Variants in TRAM1 observed in about 807,000 individuals in gnomAD.
TRAM1 encodes translocating chain-associated membrane protein 1.
A neutral mutation model predicts 48.7 loss-of-function variants in TRAM1; 17 were observed. That is an observed-to-expected ratio of 0.35 (90% confidence interval 0.24 to 0.52). The LOEUF (loss-of-function observed/expected upper bound fraction) is 0.52. TRAM1 is among the 20% of genes least tolerant of loss of function. The probability of loss-of-function intolerance (pLI) is 0.94; values close to 1 mark genes in which losing one functional copy is unlikely to be tolerated. For missense variants in TRAM1, 351 were observed against 441.5 expected (o/e 0.79, Z 1.84); for synonymous variants, 182 against 154.0 (o/e 1.18, Z -1.34).
intron 1 of TRAM1, among the ~76,000 whole-genome samples, chr8:70,601,660 T>A (rs1307438974): frequency 1.3e-5 from 2 of 152,196 alleles, no homozygotes; most frequent in Non-Finnish European, 2.9e-5. Context: ...GGAGTGAGCA[T>A]GCAGCCAAGA....
chr8:70,578,502 A>C (rs937555641), intron 10 of TRAM1, among the ~76,000 whole-genome samples: 5 of 152,152 alleles, frequency 3.3e-5, no homozygotes, highest in African/African-American at 1.2e-4. Flanking sequence ...GCATGGTGAC[A>C]TGTGCTTGTA....
intron 1 of TRAM1, among the ~76,000 whole-genome samples, chr8:70,602,454 G>C (rs1007043460): frequency 4.6e-5 from 7 of 152,240 alleles, no homozygotes; most frequent in African/African-American, 1.4e-4. Context: ...GAACAAAATT[G>C]TAAGGACTGA....
intron 5 of TRAM1, 77 bp downstream of exon 5, chr8:70,596,186 A>G: frequency 4.9e-6 from 6 of 1,223,126 alleles, no homozygotes; most frequent in Non-Finnish European, 6.7e-6. Context: ...CCTAAAGAGA[A>G]TAACAAGAAT....
chr8:70,576,259 A>G (rs1260766510), intron 10 of TRAM1, among the ~76,000 whole-genome samples: 1 of 152,144 alleles, frequency 6.6e-6, no homozygotes, highest in Non-Finnish European at 1.5e-5. Flanking sequence ...ACAAAACCGC[A>G]AATTAAACCC....
intron 2 of TRAM1, among the ~76,000 whole-genome samples, chr8:70,598,682 T>TTAGTTTTGATAC (rs1817541436): frequency 6.6e-6 from 1 of 152,176 alleles, no homozygotes; most frequent in Non-Finnish European, 1.5e-5. Flanking sequence ...AAAAGCTGAT[T>TTAGTTTTGATAC]TGACCTGTAT....
intron 1 of TRAM1, chr8:70,607,499 G>C (rs953129711): frequency 1.0e-6 from 1 of 985,332 alleles, no homozygotes; most frequent in Non-Finnish European, 1.2e-6. Context: ...GTCGAAAGCA[G>C]ATGCCTGACT....
chr8:70,582,741 G>C (rs1309185344), intron 10 of TRAM1, among the ~76,000 whole-genome samples: 1 of 151,968 alleles, frequency 6.6e-6, no homozygotes, highest in Non-Finnish European at 1.5e-5. Flanking sequence ...TAAAGACAAA[G>C]AATCAAGCAA....
chr8:70,599,687 G>C (rs1022368955), intron 2 of TRAM1, among the ~76,000 whole-genome samples: 2 of 152,120 alleles, frequency 1.3e-5, no homozygotes, highest in African/African-American at 4.8e-5. Flanking sequence ...TAGAAGTCTT[G>C]AATGAACAAT....
intron 10 of TRAM1, among the ~76,000 whole-genome samples, chr8:70,576,745 C>T (rs554071132): frequency 6.6e-6 from 1 of 152,274 alleles, no homozygotes; most frequent in African/African-American, 2.4e-5. Flanking sequence ...GGGCTGTGTG[C>T]TCCACATAGC....
chr8:70,603,186 G>A (rs1817639784), intron 1 of TRAM1, among the ~76,000 whole-genome samples: 1 of 151,962 alleles, frequency 6.6e-6, no homozygotes, highest in Non-Finnish European at 1.5e-5. Context: ...ATTATTTTTA[G>A]TAAAGTTGAG....
rs1342313065 is a variant in TRAM1 at position 70,573,809 on chromosome 8, C to T, written c.*1123G>A. ...TAAAGGATGATTATAGAAAAGGGAA[C>T]CAAATATTTTCCTCAAATGCTTTTT... On this transcript the variant is annotated 3_prime_UTR_variant, in exon 11 of 11. Transcript: ENST00000262213. 1 of 152,088 alleles carries T rather than the reference C, an allele frequency of 6.6e-6. No homozygotes were observed. Among genetic ancestry groups the T allele is most frequent in the African/African-American group, 2.4e-5 (1 of 41,324 alleles). The allele number at this position is 152,088 out of a possible 1,614,324, so 9.4% of individuals were successfully genotyped here. A position where few individuals can be genotyped will look rare whatever the true frequency, so the allele number is the denominator to read the frequency against.
intron 1 of TRAM1, chr8:70,607,671 C>T (rs111745460): frequency 0.071 from 12,787 of 181,318 alleles, 495 homozygotes; most frequent in Non-Finnish European, 0.08. Context: ...GGCAGTCCCC[C>T]CAAGTCCGCC....
At chr8:70,603,673 C>T (rs1483863566) in intron 1 of TRAM1, among the ~76,000 whole-genome samples, 3 of 152,154 alleles carry the variant, frequency 2.0e-5, no homozygotes, top group Admixed American at 1.3e-4. Context: ...GCTGAGATCA[C>T]GCCATTGCAC....
rs572448909 is a variant in TRAM1 at position 70,575,315 on chromosome 8, A to G, written c.1052-310T>C. On this transcript the variant is annotated intron_variant, in intron 10 of 10. Transcript: ENST00000262213. Reference sequence around the variant, plus strand: ...CTGTAGAAATAAAGAAACTTTTCACATTTGACAGCGAAGTCCTTGGGGATA... The same window carrying G: ...CTGTAGAAATAAAGAAACTTTTCACGTTTGACAGCGAAGTCCTTGGGGATA... 2.6e-4 allele frequency among the ~76,000 whole-genome samples: 40 copies of G among 152,374 alleles called. 1 individual carries two copies. The highest frequency in any genetic ancestry group is 9.4e-4 in the African/African-American group (39 of 41,584).
chr8:70,582,962 T>C (rs1817112888), intron 10 of TRAM1, among the ~76,000 whole-genome samples: 1 of 152,208 alleles, frequency 6.6e-6, no homozygotes, highest in South Asian at 2.1e-4. Context: ...TGGACAGCTT[T>C]TGAGGGGAGT....
chr8:70,608,348 T>TA lies in TRAM1; in HGVS notation c.-150dup. ...GCTTCACTTCCCATCCCACAGCCAG[T>TA]ACGCAGCCGCCGGGCCGCCCGGGGG... On this transcript the variant is annotated 5_prime_UTR_variant, in exon 1 of 11. Coordinates refer to ENST00000262213, the MANE Select transcript of TRAM1 (RefSeq NM_014294.6). 3.1e-6 allele frequency: 3 copies of TA among 972,256 alleles called. No homozygotes were observed. Among genetic ancestry groups the TA allele is most frequent in the Non-Finnish European group, 4.1e-6 (3 of 724,804 alleles). 60.2% of individuals were successfully genotyped at this position (972,256 alleles called of 1,614,324 possible). A position where few individuals can be genotyped will look rare whatever the true frequency, so the allele number is the denominator to read the frequency against.
At chr8:70,603,331 C>T (rs1342827259) in intron 1 of TRAM1, among the ~76,000 whole-genome samples, 2 of 134,830 alleles carry the variant, frequency 1.5e-5, no homozygotes, top group African/African-American at 5.3e-5. Context: ...CACACACACA[C>T]ACAATCTGTT....
At chr8:70,596,607 CA>C (rs2132040013) in intron 4 of TRAM1, among the ~76,000 whole-genome samples, 1 of 152,042 alleles carries the variant, frequency 6.6e-6, no homozygotes, top group African/African-American at 2.4e-5. Flanking sequence ...CGTACACAAA[CA>C]AACATAAAAC....
rs117154949 is a variant in TRAM1 at position 70,573,524 on chromosome 8, G to A, written c.*1408C>T. On this transcript the variant is annotated 3_prime_UTR_variant, in exon 11 of 11. Coordinates refer to ENST00000262213, the MANE Select transcript of TRAM1 (RefSeq NM_014294.6). ...GCCAGTTTTTAATGGCAAAAATTTG[G>A]TTCCACTGAAACTCCATAATGCTAC... 9.9e-4 allele frequency: 151 copies of A among 152,654 alleles called. No individual in the cohort carries two copies. Among genetic ancestry groups the A allele is most frequent in the Non-Finnish European group, 1.5e-3 (100 of 68,010 alleles). 9.5% of individuals were successfully genotyped at this position (152,654 alleles called of 1,614,324 possible). A position where few individuals can be genotyped will look rare whatever the true frequency, so the allele number is the denominator to read the frequency against.
Sources: gnomAD v4.1 joint callset for allele counts (sites outside exome capture counted in the v4.1 genomes callset) on GRCh38, gnomAD v4.1.1 for gene constraint, MANE v1.5 for transcripts, NCBI Gene and HGNC (gene_info 2026-07-23, HGNC 2026-07-21) for gene names.